Variants in PTPRD observed in about 807,000 individuals in gnomAD.
The protein encoded by PTPRD is receptor-type tyrosine-protein phosphatase delta.
A neutral mutation model predicts 214.5 loss-of-function variants in PTPRD; 34 were observed. The observed-to-expected ratio is 0.16, with a 90% CI of 0.12 to 0.21. The LOEUF is 0.21. Ranked by LOEUF, PTPRD falls within the 10% of genes least tolerant of loss-of-function variation. PTPRD has a pLI of 1.00. For missense variants in PTPRD, 2,545 were observed against 2,398.7 expected, an observed-to-expected ratio of 1.06 and a Z score of -1.27; for synonymous variants, 1,128 against 845.7, an observed-to-expected ratio of 1.33 and a Z score of -5.79.
chr9:9,984,006 C>T (rs1257210939), intron 4 of PTPRD, among the ~76,000 whole-genome samples: 2 of 151,374 alleles, frequency 1.3e-5, no homozygotes, highest in African/African-American at 2.4e-5. Flanking sequence ...GATCAGATAT[C>T]GAAGTAAAAC....
chr9:10,017,680 T>C (rs2096750200), intron 4 of PTPRD, among the ~76,000 whole-genome samples: 1 of 152,136 alleles, frequency 6.6e-6, no homozygotes, highest in Non-Finnish European at 1.5e-5. Flanking sequence ...AATCCATCTT[T>C]TCTCTGGCAA....
chr9:8,616,127 C>T (rs1190304337), intron 14 of PTPRD, among the ~76,000 whole-genome samples: 2 of 152,104 alleles, frequency 1.3e-5, no homozygotes, highest in African/African-American at 4.8e-5. Context: ...ACTATTGACA[C>T]ATAATTCACT....
At chr9:8,555,439 C>G (rs148073167) in intron 14 of PTPRD, among the ~76,000 whole-genome samples, 1 of 152,298 alleles carries the variant, frequency 6.6e-6, no homozygotes, top group East Asian at 1.9e-4. Context: ...CAAACTCTTA[C>G]TTGGTAATCA....
At chr9:10,032,259 T>G (rs1469437860) in intron 4 of PTPRD, among the ~76,000 whole-genome samples, 1 of 152,178 alleles carries the variant, frequency 6.6e-6, no homozygotes, top group Non-Finnish European at 1.5e-5. Context: ...CTCTTCATAG[T>G]GTAACATCTT....
chr9:9,180,086 C>T (rs983400364), intron 10 of PTPRD, among the ~76,000 whole-genome samples: 1 of 151,926 alleles, frequency 6.6e-6, no homozygotes, highest in Non-Finnish European at 1.5e-5. Context: ...ACCCAGCCAT[C>T]CCATTACTGG....
chr9:8,566,691 C>G (rs1481958943), intron 14 of PTPRD, among the ~76,000 whole-genome samples: 1 of 152,176 alleles, frequency 6.6e-6, no homozygotes, highest in Non-Finnish European at 1.5e-5. Context: ...GTTAGACACT[C>G]ATGATTATTT....
intron 3 of PTPRD, among the ~76,000 whole-genome samples, chr9:10,177,150 G>C (rs2099253479): frequency 2.0e-5 from 3 of 151,892 alleles, no homozygotes; most frequent in African/African-American, 7.2e-5. Context: ...ATATTCTAGA[G>C]GGGTAGTATA....
At chr9:8,766,205 C>T (rs965848849) in intron 11 of PTPRD, among the ~76,000 whole-genome samples, 28 of 149,792 alleles carry the variant, frequency 1.9e-4, no homozygotes, top group African/African-American at 6.9e-4. Context: ...AAAAAAAAAT[C>T]AATCCCCAGC....
At chr9:9,176,802 T>C (rs28634822) in intron 10 of PTPRD, among the ~76,000 whole-genome samples, 2,255 of 152,256 alleles carry the variant, frequency 0.015, 60 homozygotes, top group African/African-American at 0.051. Context: ...GCCATGATCT[T>C]AGATTTCCCA....
At chr9:8,544,711 C>T (rs543781680) in intron 14 of PTPRD, among the ~76,000 whole-genome samples, 65 of 148,738 alleles carry the variant, frequency 4.4e-4, no homozygotes, top group African/African-American at 1.3e-3. Flanking sequence ...CCTTCAGTGA[C>T]CCACCATTGT....
chr9:9,300,518 A>G (rs147987277), intron 9 of PTPRD, among the ~76,000 whole-genome samples: 91 of 151,838 alleles, frequency 6.0e-4, no homozygotes, highest in South Asian at 4.8e-3. Flanking sequence ...TCATGTGTTG[A>G]AATTGTAACT....
intron 10 of PTPRD, among the ~76,000 whole-genome samples, chr9:9,118,609 A>T (rs917403217): frequency 1.3e-5 from 2 of 152,202 alleles, no homozygotes; most frequent in African/African-American, 4.8e-5. Flanking sequence ...TTAAAAAATG[A>T]AAATAAAGTT....
At chr9:9,915,070 C>T (rs1326925905) in intron 5 of PTPRD, among the ~76,000 whole-genome samples, 2 of 152,142 alleles carry the variant, frequency 1.3e-5, no homozygotes, top group African/African-American at 4.8e-5. Context: ...TCGCCATTAT[C>T]ACCACAAACT....
intron 4 of PTPRD, among the ~76,000 whole-genome samples, chr9:10,020,372 G>A (rs2096825636): frequency 6.7e-6 from 1 of 148,338 alleles, no homozygotes; most frequent in South Asian, 2.2e-4. Context: ...CATGATCTCG[G>A]CTCACTGCGA....
At chr9:10,218,514 A>C (rs1424955293) in intron 3 of PTPRD, among the ~76,000 whole-genome samples, 2 of 151,914 alleles carry the variant, frequency 1.3e-5, no homozygotes, top group Admixed American at 1.3e-4. Context: ...CTTACTCAAC[A>C]TAAATGTCAC....
At chr9:8,728,250 C>T (rs1292744406) in intron 12 of PTPRD, among the ~76,000 whole-genome samples, 6 of 151,320 alleles carry the variant, frequency 4.0e-5, no homozygotes, top group East Asian at 1.9e-4. Flanking sequence ...AACTCCATCT[C>T]GAAAAAAAAG....
chr9:9,363,796 T>A (rs1224007210), intron 9 of PTPRD, among the ~76,000 whole-genome samples: 1 of 151,400 alleles, frequency 6.6e-6, no homozygotes, highest in Non-Finnish European at 1.5e-5. Flanking sequence ...ATTTTTTTCA[T>A]CAAATACATT....
intron 10 of PTPRD, among the ~76,000 whole-genome samples, chr9:9,078,645 G>GTT (rs138921467): frequency 3.4e-4 from 52 of 151,826 alleles, no homozygotes; most frequent in Non-Finnish European, 5.9e-4. Context: ...TGTTTAGAAG[G>GTT]TTTTTTTTAC....
At chr9:9,601,673 T>C (rs910997209) in intron 7 of PTPRD, among the ~76,000 whole-genome samples, 13 of 152,198 alleles carry the variant, frequency 8.5e-5, no homozygotes, top group African/African-American at 3.1e-4. Flanking sequence ...TGATCCTTGA[T>C]TCAGTAAATA....
Sources: gnomAD v4.1 joint callset for allele counts (sites outside exome capture counted in the v4.1 genomes callset) on GRCh38, gnomAD v4.1.1 for gene constraint, MANE v1.5 for transcripts, NCBI Gene and HGNC (gene_info 2026-07-23, HGNC 2026-07-21) for gene names.